RGPD1: variants seen among roughly 807,000 people sequenced by gnomAD.
RGPD1 encodes the protein RANBP2-like and GRIP domain-containing protein 1.
RGPD1 carries 7 observed loss-of-function variants against 40.6 expected under a neutral mutation model. The observed-to-expected ratio is 0.17, with a 90% CI of 0.10 to 0.32. The LOEUF is 0.32. Among genes scored for constraint, RGPD1 ranks in the 10% least tolerant of loss-of-function variants. The probability of loss-of-function intolerance (pLI) is 1.00; values close to 1 mark genes in which losing one functional copy is unlikely to be tolerated. For synonymous variants in RGPD1, 24 were observed against 167.0 expected (o/e 0.14, Z 6.60); for missense variants, 50 against 472.5 (o/e 0.11, Z 8.29).
At chr2:86,938,964 C>A (rs1294403517), upstream of RGPD1, among the ~76,000 whole-genome samples, 1 of 120,222 alleles carries the variant, frequency 8.3e-6, no homozygotes, top group Non-Finnish European at 1.7e-5. Context: ...CTGTGAAGTA[C>A]AATAAAATGT....
intron 6 of RGPD1, among the ~76,000 whole-genome samples, chr2:86,962,392 C>T (rs1322473654): frequency 9.1e-6 from 1 of 109,852 alleles, no homozygotes; most frequent in Non-Finnish European, 1.7e-5. Flanking sequence ...CCTGTAATCC[C>T]AGCTACTCAG....
chr2:86,933,354 AAATT>A (rs200285296), intron 1 of RGPD1, among the ~76,000 whole-genome samples: 2,247 of 150,782 alleles, frequency 0.015, 122 homozygotes, highest in East Asian at 0.14. Flanking sequence ...AAACAACTAA[AAATT>A]AAATATAGTC....
chr2:86,931,359 G>A (rs1383665034), intron 1 of RGPD1, among the ~76,000 whole-genome samples: 2 of 150,510 alleles, frequency 1.3e-5, no homozygotes, highest in Non-Finnish European at 2.9e-5. Flanking sequence ...TTGATCCTCC[G>A]TGCTTGACTT....
intron 1 of RGPD1, among the ~76,000 whole-genome samples, chr2:86,945,018 ATT>A (rs11300390): frequency 5.4e-4 from 77 of 141,932 alleles, no homozygotes; most frequent in East Asian, 8.2e-4. Context: ...GCTCAGCCTG[ATT>A]TTTTTTTTTT....
At position 87,007,161 on chromosome 2, in the gene RGPD1, TTTG is replaced by T. The variant is rs1358066271; in HGVS notation, c.5237-5342_5237-5340del. Among the ~76,000 whole-genome samples, 25 of 58,834 alleles carry T rather than the reference TTTG, an allele frequency of 4.2e-4. No individual in the cohort carries two copies. The East Asian group carries it at 8.3e-3, about 19-fold the overall frequency. The allele number at this position is 58,834 out of a possible 152,430, so 38.6% of individuals were successfully genotyped here. ...CTGTTTAGTTTTTTTGTTTGCTGGT[TTTG>T]TTGTTGTTGGGTTTTTTAATTTGTT... is the stretch of plus-strand genomic sequence containing the variant. On this transcript the variant is annotated intron_variant, in intron 22 of 22. Coordinates refer to ENST00000641458, the MANE Select transcript of RGPD1 (RefSeq NM_001382344.1).
At chr2:86,913,780 G>C, upstream of RGPD1, 5 of 1,437,576 alleles carry the variant, frequency 3.5e-6, no homozygotes, top group Non-Finnish European at 4.6e-6. Context: ...GCGCTTTCCT[G>C]TTGGAATTGG....
intron 1 of RGPD1, chr2:86,930,770 C>T: frequency 7.9e-7 from 1 of 1,272,652 alleles, no homozygotes; most frequent in East Asian, 2.7e-5. Context: ...CACCTACAGC[C>T]CCCTGAGGAC....
At chr2:86,930,730 C>T (rs1308552867) in intron 1 of RGPD1, 20 of 1,516,946 alleles carry the variant, frequency 1.3e-5, no homozygotes, top group Admixed American at 3.9e-5. Flanking sequence ...TCCTCGCTGC[C>T]GTTCCCGCTG....
chr2:86,993,143 T>TA (rs1211780265), intron 20 of RGPD1, among the ~76,000 whole-genome samples: 1 of 151,806 alleles, frequency 6.6e-6, no homozygotes, highest in Non-Finnish European at 1.5e-5. Flanking sequence ...ACTTAACCTT[T>TA]AAAAAAAATC....
intron 1 of RGPD1, among the ~76,000 whole-genome samples, chr2:86,918,694 C>T (rs1473735357): frequency 8.9e-5 from 13 of 146,176 alleles, no homozygotes; most frequent in African/African-American, 2.6e-4. Flanking sequence ...CTCCTGACCT[C>T]GTGATCTGCC....
In RGPD1 at chr2:86,914,283, GGGCGGC is replaced by G. The variant is rs533309212; in HGVS notation, c.72+393_72+398del. On this transcript the variant is annotated intron_variant, in intron 1 of 22. Coordinates refer to the RGPD1 transcript ENST00000398193. ...CTCGGCCTCGGCCTTGGCCTCGGCC[GGGCGGC>G]GGCGGCGGCGGCGGCGGCGGCGGCG... is the stretch of plus-strand genomic sequence containing the variant. 5.3e-3 allele frequency among the ~76,000 whole-genome samples: 54 copies of G among 10,222 alleles called. 1 individual carries two copies. The highest frequency in any genetic ancestry group is 6.8e-3 in the Non-Finnish European group (41 of 5,986). 6.7% of individuals were successfully genotyped at this position (10,222 alleles called of 152,430 possible). A position where few individuals can be genotyped will look rare whatever the true frequency, so the allele number is the denominator to read the frequency against.
In RGPD1 at chr2:86,998,587, T is replaced by G. The variant is rs1296363181; in HGVS notation, c.5236+829T>G. Among the ~76,000 whole-genome samples the G allele has an allele frequency of 5.4e-5, 4 of 73,978 alleles. No homozygotes were observed. The East Asian group carries it at 1.9e-3, about 35-fold the overall frequency. The allele number at this position is 73,978 out of a possible 152,430, so 48.5% of individuals were successfully genotyped here. On this transcript the variant is annotated intron_variant, in intron 22 of 22. Coordinates refer to ENST00000641458, the MANE Select transcript of RGPD1 (RefSeq NM_001382344.1). ...AAACTATGATGTAGTTAGAGTTGGT[T>G]TCCATGTCAGATGGATTTAATACTG...
chr2:86,929,324 C>CAG (rs1678731722), intron 1 of RGPD1, among the ~76,000 whole-genome samples: 1 of 151,170 alleles, frequency 6.6e-6, no homozygotes, highest in Admixed American at 6.6e-5. Context: ...GCCATCAGTT[C>CAG]AGAGCGGCCG....
intron 1 of RGPD1, among the ~76,000 whole-genome samples, chr2:86,943,119 G>A (rs939592234): frequency 5.3e-5 from 8 of 151,466 alleles, no homozygotes; most frequent in Non-Finnish European, 7.4e-5. Context: ...GTGAGCTTTG[G>A]CGGCTGTGTC....
chr2:86,941,893 G>A (rs1368356986), upstream of RGPD1, among the ~76,000 whole-genome samples: 2 of 151,752 alleles, frequency 1.3e-5, no homozygotes, highest in Non-Finnish European at 2.9e-5. Context: ...TGTATTTTTA[G>A]TAGAGATGGG....
chr2:86,944,692 C>T (rs1161781131), intron 1 of RGPD1, among the ~76,000 whole-genome samples: 3 of 151,754 alleles, frequency 2.0e-5, no homozygotes, highest in African/African-American at 4.8e-5. Flanking sequence ...GGATTATAGG[C>T]GTGAGCCACT....
In RGPD1 at chr2:86,987,191, GAA is replaced by G. The variant is rs952711023; in HGVS notation, c.4295_4296del (p.Lys1432SerfsTer9). The G allele has an allele frequency of 1.6e-5, 14 of 870,142 alleles. 1 individual carries two copies. The highest frequency in any genetic ancestry group is 2.1e-5 in the Non-Finnish European group (13 of 623,040). The allele number at this position is 870,142 out of a possible 1,614,324, so 53.9% of individuals were successfully genotyped here. A position where few individuals can be genotyped will look rare whatever the true frequency, so the allele number is the denominator to read the frequency against. On this transcript the variant is annotated frameshift_variant, in exon 20 of 23. Coordinates refer to ENST00000641458, the MANE Select transcript of RGPD1 (RefSeq NM_001382344.1). LOFTEE classifies it high-confidence loss of function. ...GCATGTGATTTTGCAGATGGAGAAA[GAA>G]AAGTAGAGCATTTAGCTGTTCGTTT...
intron 1 of RGPD1, among the ~76,000 whole-genome samples, chr2:86,933,354 A>C (rs1413020152): frequency 1.3e-5 from 2 of 150,668 alleles, no homozygotes; most frequent in Non-Finnish European, 3.0e-5. Context: ...AAACAACTAA[A>C]AATTAAATAT....
intron 22 of RGPD1, among the ~76,000 whole-genome samples, chr2:87,000,359 C>T (rs1681939172): frequency 8.7e-6 from 1 of 115,074 alleles, no homozygotes; most frequent in Non-Finnish European, 1.7e-5. Context: ...CCAGGTGGCT[C>T]CTATAAGTTA....
Sources: gnomAD v4.1 joint callset for allele counts (sites outside exome capture counted in the v4.1 genomes callset) on GRCh38, gnomAD v4.1.1 for gene constraint, MANE v1.5 for transcripts, NCBI Gene and HGNC (gene_info 2026-07-23, HGNC 2026-07-21) for gene names.